Variants in DOK6 observed in about 807,000 individuals in gnomAD.
The protein encoded by DOK6 is downstream of tyrosine kinase 6.
A neutral mutation model predicts 44.0 loss-of-function variants in DOK6; 22 were observed. The observed-to-expected ratio is 0.50, with a 90% CI of 0.36 to 0.71. DOK6 has a LOEUF of 0.71. DOK6 is among the 30% of genes least tolerant of loss of function. The pLI, the probability that DOK6 is intolerant of heterozygous loss-of-function variation, is 0.00. For missense variants in DOK6, 340 were observed against 416.4 expected (o/e 0.82, Z 1.60); for synonymous variants, 166 against 145.5 (o/e 1.14, Z -1.01).
chr18:69,528,665 AT>A (rs745660105), intron 1 of DOK6, among the ~76,000 whole-genome samples: 39 of 152,220 alleles, frequency 2.6e-4, no homozygotes, highest in Non-Finnish European at 5.3e-4. Flanking sequence ...GTAAGGTTTA[AT>A]AAAATGTATC....
chr18:69,836,298 G>C (rs1226218629), intron 7 of DOK6, among the ~76,000 whole-genome samples: 2 of 152,180 alleles, frequency 1.3e-5, no homozygotes, highest in African/African-American at 4.8e-5. Flanking sequence ...TGGAATTAGA[G>C]AGAGGGTCAT....
At chr18:69,428,691 C>G (rs528707861) in intron 1 of DOK6, among the ~76,000 whole-genome samples, 4 of 152,258 alleles carry the variant, frequency 2.6e-5, no homozygotes, top group African/African-American at 9.6e-5. Flanking sequence ...AAATAGCTTG[C>G]CTAGGATTGT....
At chr18:69,710,564 A>G (rs1986733022) in intron 5 of DOK6, among the ~76,000 whole-genome samples, 1 of 152,238 alleles carries the variant, frequency 6.6e-6, no homozygotes, top group Admixed American at 6.5e-5. Flanking sequence ...AACAGCAATT[A>G]CTAATAGATG....
intron 6 of DOK6, among the ~76,000 whole-genome samples, chr18:69,748,401 C>T (rs1419098119): frequency 1.3e-5 from 2 of 151,670 alleles, no homozygotes. Context: ...GATAAACCCA[C>T]CCCCAAAACA....
chr18:69,696,061 A>G (rs10747217), intron 4 of DOK6, among the ~76,000 whole-genome samples: 82,837 of 151,988 alleles, frequency 0.55, 23,586 homozygotes, highest in East Asian at 0.86. Context: ...GATGATATAC[A>G]TAGCGATAGA....
At chr18:69,447,114 C>G (rs1254086553) in intron 1 of DOK6, among the ~76,000 whole-genome samples, 1 of 152,188 alleles carries the variant, frequency 6.6e-6, no homozygotes, top group Non-Finnish European at 1.5e-5. Context: ...GTGTTTTAGA[C>G]ATGAAGTCCT....
At chr18:69,646,950 A>G (rs1191353377) in intron 3 of DOK6, among the ~76,000 whole-genome samples, 1 of 152,110 alleles carries the variant, frequency 6.6e-6, no homozygotes, top group African/African-American at 2.4e-5. Flanking sequence ...CATATAGTCT[A>G]TCTATTTATC....
intron 6 of DOK6, among the ~76,000 whole-genome samples, chr18:69,743,991 T>C (rs1364376597): frequency 2.0e-5 from 3 of 152,118 alleles, no homozygotes; most frequent in Non-Finnish European, 4.4e-5. Context: ...CAGTGGGACT[T>C]GTCAAATGGG....
intron 1 of DOK6, among the ~76,000 whole-genome samples, chr18:69,538,698 A>G (rs117964100): frequency 0.023 from 3,410 of 151,402 alleles, 72 homozygotes; most frequent in Non-Finnish European, 0.035. Context: ...TACTACACCA[A>G]CCTTTCTATT....
chr18:69,674,715 A>T (rs1270659834), intron 3 of DOK6, among the ~76,000 whole-genome samples: 1 of 151,960 alleles, frequency 6.6e-6, no homozygotes, highest in Non-Finnish European at 1.5e-5. Context: ...GCTTGCCCTG[A>T]TACTTTCACT....
At chr18:69,442,096 T>C (rs1979153043) in intron 1 of DOK6, among the ~76,000 whole-genome samples, 1 of 152,176 alleles carries the variant, frequency 6.6e-6, no homozygotes. Flanking sequence ...TCAGTCTGTC[T>C]TTTACCTTGT....
chr18:69,534,817 G>A (rs1568288651), intron 1 of DOK6, among the ~76,000 whole-genome samples: 1 of 151,826 alleles, frequency 6.6e-6, no homozygotes, highest in African/African-American at 2.4e-5. Context: ...TTCTTCTTTA[G>A]CATCTGCTAT....
chr18:69,407,446 T>C (rs1599116430), intron 1 of DOK6, among the ~76,000 whole-genome samples: 1 of 152,240 alleles, frequency 6.6e-6, no homozygotes, highest in Non-Finnish European at 1.5e-5. Context: ...GTTTTATTAC[T>C]TGTGCCTCAC....
At chr18:69,430,056 ATTGATCTTCAAAACTC>A (rs2122421937) in intron 1 of DOK6, among the ~76,000 whole-genome samples, 1 of 152,264 alleles carries the variant, frequency 6.6e-6, no homozygotes, top group Non-Finnish European at 1.5e-5. Context: ...ATTTTACATC[ATTGATCTTCAAAACTC>A]TTAATTATCA....
At chr18:69,564,653 A>T in intron 2 of DOK6, 59 bp downstream of exon 2, 3 of 1,359,206 alleles carry the variant, frequency 2.2e-6, no homozygotes, top group Non-Finnish European at 2.0e-6. Context: ...ACTTGTGGAG[A>T]TATTTCTTTG....
intron 1 of DOK6, among the ~76,000 whole-genome samples, chr18:69,426,694 A>T (rs1241648357): frequency 6.6e-6 from 1 of 152,206 alleles, no homozygotes. Context: ...GTTAACAAAC[A>T]TTCATACCCA....
intron 7 of DOK6, among the ~76,000 whole-genome samples, chr18:69,761,977 A>C (rs1386073993): frequency 6.6e-6 from 1 of 152,156 alleles, no homozygotes; most frequent in Non-Finnish European, 1.5e-5. Context: ...GGCAAGTTGC[A>C]AAGCAGAAGT....
chr18:69,437,313 C>A (rs1352416715), intron 1 of DOK6, among the ~76,000 whole-genome samples: 1 of 152,092 alleles, frequency 6.6e-6, no homozygotes, highest in Non-Finnish European at 1.5e-5. Context: ...GTTTTTAATC[C>A]ATTTTGAGTT....
intron 1 of DOK6, among the ~76,000 whole-genome samples, chr18:69,442,745 C>A (rs1367999810): frequency 1.4e-5 from 2 of 145,290 alleles, no homozygotes; most frequent in African/African-American, 5.7e-5. Flanking sequence ...TTATACTATA[C>A]TTATATATGT....
Sources: allele counts gnomAD v4.1 joint callset (sites outside exome capture counted in the v4.1 genomes callset), GRCh38; gene constraint gnomAD v4.1.1; transcripts MANE v1.5; gene names NCBI Gene and HGNC (gene_info 2026-07-23, HGNC 2026-07-21).